MANBA: variants seen among roughly 807,000 people sequenced by gnomAD.
MANBA encodes mannosidase beta, also known as beta-mannosidase.
Under a neutral mutation model 111.1 loss-of-function variants are expected in MANBA, and 83 were observed. That is an observed-to-expected ratio of 0.75 (90% CI 0.63 to 0.90). The LOEUF is 0.90. MANBA is among the 40% of genes least tolerant of loss of function. The pLI, the probability that MANBA is intolerant of heterozygous loss-of-function variation, is 0.00. For missense variants in MANBA, 1,036 were observed against 1,069.0 expected (o/e 0.97, Z 0.43); for synonymous variants, 370 against 378.7 (o/e 0.98, Z 0.27).
intron 1 of MANBA, among the ~76,000 whole-genome samples, chr4:102,738,163 AC>A (rs1723285633): frequency 6.6e-6 from 1 of 152,248 alleles, no homozygotes; most frequent in African/African-American, 2.4e-5. Flanking sequence ...TAAAAGAACA[AC>A]CCTGCTCTAA....
chr4:102,639,658 C>G, intron 14 of MANBA, 55 bp downstream of exon 14: 1 of 1,609,944 alleles, frequency 6.2e-7, no homozygotes, highest in Non-Finnish European at 8.5e-7. Flanking sequence ...TTCTCAGTCC[C>G]TCTCCCCACA....
rs545164956 is a variant in MANBA, at chr4:102,670,706, C to T, written c.1230+575G>A. On this transcript the variant is annotated intron_variant, in intron 9 of 16. Coordinates refer to ENST00000647097, the MANE Select transcript of MANBA (RefSeq NM_005908.4). ...TAAAAATACAAAAATTAGCTGGATGCTAATTTACTAAAAATACAAAATTTA... is the reference window on the plus strand; with the variant it reads ...TAAAAATACAAAAATTAGCTGGATGTTAATTTACTAAAAATACAAAATTTA... Among the ~76,000 whole-genome samples the T allele has an allele frequency of 7.2e-5, 11 of 151,928 alleles. 2 individuals carry two copies. In the South Asian group the frequency reaches 2.3e-3, roughly 32 times the overall value.
intron 11 of MANBA, 118 bp downstream of exon 11, chr4:102,664,567 T>C (rs1030957866): frequency 1.3e-5 from 11 of 871,568 alleles, no homozygotes; most frequent in African/African-American, 6.7e-5. Flanking sequence ...CTCGATCTCC[T>C]GACCTTGTGA....
At chr4:102,665,921 C>T (rs1280465895) in intron 10 of MANBA, 1 of 152,186 alleles carries the variant, frequency 6.6e-6, no homozygotes, top group Non-Finnish European at 1.5e-5. Flanking sequence ...AATAGAGATG[C>T]ACTGAAGGTA....
At chr4:102,647,345 T>C (rs2110200428) in intron 13 of MANBA, among the ~76,000 whole-genome samples, 1 of 150,358 alleles carries the variant, frequency 6.7e-6, no homozygotes, top group Non-Finnish European at 1.5e-5. Flanking sequence ...TGCTAAATTC[T>C]CAGACAAAAC....
chr4:102,664,552 G>C lies in MANBA; in HGVS notation c.1485+133C>G. The C allele has an allele frequency of 4.1e-6, 3 of 736,124 alleles. No individual in the cohort carries two copies. In the East Asian group the frequency reaches 8.2e-5, roughly 20 times the overall value. The allele number at this position is 736,124 out of a possible 1,614,324, so 45.6% of individuals were successfully genotyped here. A position where few individuals can be genotyped will look rare whatever the true frequency, so the allele number is the denominator to read the frequency against. ...TTTTTAGTAGAGACGGGGTTTCACCGTGGTCTCGATCTCCTGACCTTGTGA... is the reference window on the plus strand; with the variant it reads ...TTTTTAGTAGAGACGGGGTTTCACCCTGGTCTCGATCTCCTGACCTTGTGA... On this transcript the variant is annotated intron_variant, in intron 11 of 16. Transcript: ENST00000647097.
chr4:102,657,953 A>G, intron 11 of MANBA, 53 bp from the exon 12 acceptor site: 1 of 1,300,352 alleles, frequency 7.7e-7, no homozygotes, highest in Non-Finnish European at 1.1e-6. Context: ...CCTGTAAAGT[A>G]TGTATCATTT....
At chr4:102,758,338 GTGAATAGATAAATAAA>G (rs1724103523) in intron 1 of MANBA, among the ~76,000 whole-genome samples, 1 of 152,080 alleles carries the variant, frequency 6.6e-6, no homozygotes, top group South Asian at 2.1e-4. Flanking sequence ...AATTAACTAG[GTGAATAGATAAATAAA>G]TGAATGATAT....
chr4:102,700,631 T>A lies in MANBA; in HGVS notation c.674-9860A>T, dbSNP rs1202964537. ...TTCGTTATGTACCCAGTAGTCATTC[T>A]GGAGCAGGTTGTTCAGTTTCCATGT... On this transcript the variant is annotated intron_variant, in intron 5 of 16. Coordinates refer to ENST00000647097, the MANE Select transcript of MANBA (RefSeq NM_005908.4). Among the ~76,000 whole-genome samples the A allele has an allele frequency of 9.1e-4, 139 of 152,142 alleles. 1 individual carries two copies. The highest frequency in any genetic ancestry group is 3.4e-3 in the Middle Eastern group (1 of 294).
chr4:102,734,670 C>T (rs1723146282), intron 1 of MANBA: 1 of 1,239,496 alleles, frequency 8.1e-7, no homozygotes, highest in Non-Finnish European at 1.2e-6. Flanking sequence ...GGACAGCCCT[C>T]CTGGGAATCT....
chr4:102,660,332 C>T (rs1388137091), intron 11 of MANBA, among the ~76,000 whole-genome samples: 1 of 152,106 alleles, frequency 6.6e-6, no homozygotes, highest in Non-Finnish European at 1.5e-5. Context: ...CCTATGACCT[C>T]CATGACCTTG....
At chr4:102,713,627 C>T (rs974500831) in intron 5 of MANBA, among the ~76,000 whole-genome samples, 11 of 152,102 alleles carry the variant, frequency 7.2e-5, no homozygotes, top group Admixed American at 1.3e-4. Flanking sequence ...TTTGGCCAGG[C>T]GCAGTGGCTT....
chr4:102,752,733 C>T, intron 1 of MANBA: 1 of 382,960 alleles, frequency 2.6e-6, no homozygotes, highest in Non-Finnish European at 5.1e-6. Context: ...CAGAAAGCAG[C>T]CGTTTGAAAT....
At chr4:102,672,783 C>G (rs1731550863) in intron 8 of MANBA, among the ~76,000 whole-genome samples, 1 of 152,088 alleles carries the variant, frequency 6.6e-6, no homozygotes, top group African/African-American at 2.4e-5. Context: ...GTTGCATGCT[C>G]CTTATGAGAA....
intron 1 of MANBA, chr4:102,730,466 T>A: frequency 1.9e-6 from 1 of 515,234 alleles, no homozygotes; most frequent in South Asian, 1.6e-5. Context: ...TCAGCTGCAC[T>A]GCGGGGGCGG....
intron 5 of MANBA, among the ~76,000 whole-genome samples, chr4:102,709,403 A>AAAGAAAGAAAGAAAAG (rs1721948301): frequency 9.9e-6 from 1 of 101,376 alleles, no homozygotes; most frequent in Non-Finnish European, 2.4e-5. Flanking sequence ...AGAAAGAAAA[A>AAAGAAAGAAAGAAAAG]AAAGAAAGAA....
intron 13 of MANBA, among the ~76,000 whole-genome samples, chr4:102,647,553 G>A (rs559618758): frequency 2.6e-5 from 4 of 151,708 alleles, no homozygotes; most frequent in Non-Finnish European, 4.4e-5. Context: ...TAGCAGAAAA[G>A]TCTCTTATAC....
chr4:102,704,036 A>C (rs1733184517), intron 5 of MANBA, among the ~76,000 whole-genome samples: 2 of 152,114 alleles, frequency 1.3e-5, no homozygotes, highest in Admixed American at 6.5e-5. Context: ...TGGAGGTTGC[A>C]GTGAGCCAAG....
intron 1 of MANBA, among the ~76,000 whole-genome samples, chr4:102,750,311 T>G (rs1264388620): frequency 6.8e-6 from 1 of 148,012 alleles, no homozygotes; most frequent in African/African-American, 2.5e-5. Flanking sequence ...ATTTCCTTAG[T>G]TTTTTTTTTA....
Sources: gnomAD v4.1 joint callset for allele counts (sites outside exome capture counted in the v4.1 genomes callset) on GRCh38, gnomAD v4.1.1 for gene constraint, MANE v1.5 for transcripts, NCBI Gene and HGNC (gene_info 2026-07-23, HGNC 2026-07-21) for gene names.